FCHSD2: variants seen among roughly 807,000 people sequenced by gnomAD.
FCHSD2 encodes FCH and double SH3 domains 2.
Under a neutral mutation model 108.1 loss-of-function variants are expected in FCHSD2, and 38 were observed. The ratio of observed to expected loss-of-function variants is 0.35; its 90% CI spans 0.27 to 0.46. The LOEUF (loss-of-function observed/expected upper bound fraction) is 0.46, where lower values mean the gene tolerates loss of function less well. Among genes scored for constraint, FCHSD2 ranks in the 20% least tolerant of loss-of-function variants. FCHSD2 has a pLI of 1.00. For missense variants in FCHSD2, 751 were observed against 897.8 expected (o/e 0.84, Z 2.09); for synonymous variants, 279 against 314.7 (o/e 0.89, Z 1.20).
chr11:72,855,809 A>C (rs998673180), intron 13 of FCHSD2, among the ~76,000 whole-genome samples: 1 of 152,246 alleles, frequency 6.6e-6, no homozygotes, highest in Non-Finnish European at 1.5e-5. Context: ...GAGCATACGT[A>C]TCTGACAGGG....
intron 10 of FCHSD2, among the ~76,000 whole-genome samples, chr11:72,893,668 C>CG (rs1319941958): frequency 6.7e-6 from 1 of 150,172 alleles, no homozygotes; most frequent in African/African-American, 2.4e-5. Context: ...ATTAGCTAGG[C>CG]GTGGTGGCGC....
chr11:73,082,189 T>C (rs1299558216), intron 3 of FCHSD2, among the ~76,000 whole-genome samples: 2 of 151,760 alleles, frequency 1.3e-5, no homozygotes, highest in African/African-American at 4.8e-5. Context: ...TACAAAAAAT[T>C]AGCTGGGCGT....
At chr11:72,988,352 T>A (rs1202138296) in intron 6 of FCHSD2, among the ~76,000 whole-genome samples, 1 of 152,186 alleles carries the variant, frequency 6.6e-6, no homozygotes, top group East Asian at 1.9e-4. Flanking sequence ...CACCTTCTAT[T>A]ACCAGTTGCC....
intron 12 of FCHSD2, among the ~76,000 whole-genome samples, chr11:72,876,660 C>T (rs1376319109): frequency 6.6e-6 from 1 of 152,072 alleles, no homozygotes; most frequent in Non-Finnish European, 1.5e-5. Flanking sequence ...CAGTGGAGTT[C>T]GATGAATGCC....
At chr11:73,101,695 C>T (rs1017093952) in intron 2 of FCHSD2, among the ~76,000 whole-genome samples, 1 of 151,964 alleles carries the variant, frequency 6.6e-6, no homozygotes, top group African/African-American at 2.4e-5. Flanking sequence ...CTTTGGCCTC[C>T]CAAAGTGCTG....
intron 3 of FCHSD2, among the ~76,000 whole-genome samples, chr11:73,077,895 G>A (rs1352273198): frequency 1.3e-5 from 2 of 152,166 alleles, no homozygotes; most frequent in Non-Finnish European, 2.9e-5. Flanking sequence ...GGCTTATTGT[G>A]TATCAACTAC....
chr11:73,013,688 G>C (rs545329404), intron 4 of FCHSD2, among the ~76,000 whole-genome samples: 1 of 152,154 alleles, frequency 6.6e-6, no homozygotes, highest in South Asian at 2.1e-4. Flanking sequence ...TCTTAGCACA[G>C]TGTCTGCCAC....
chr11:72,858,605 G>C (rs1336103480), intron 13 of FCHSD2, among the ~76,000 whole-genome samples: 1 of 152,136 alleles, frequency 6.6e-6, no homozygotes, highest in Non-Finnish European at 1.5e-5. Context: ...ACAGACACTG[G>C]GGCCTTTCGG....
intron 12 of FCHSD2, among the ~76,000 whole-genome samples, chr11:72,876,414 G>GA (rs1854971094): frequency 6.6e-6 from 1 of 152,198 alleles, no homozygotes; most frequent in East Asian, 1.9e-4. Flanking sequence ...TAAAGTTTGG[G>GA]ATGGTTTTCA....
intron 2 of FCHSD2, among the ~76,000 whole-genome samples, chr11:73,102,222 T>C (rs1860241939): frequency 6.6e-6 from 1 of 152,194 alleles, no homozygotes; most frequent in Non-Finnish European, 1.5e-5. Flanking sequence ...AATTAACAAT[T>C]CCAAGTGCTG....
At chr11:73,057,805 G>C (rs922918025) in intron 3 of FCHSD2, among the ~76,000 whole-genome samples, 1 of 151,918 alleles carries the variant, frequency 6.6e-6, no homozygotes, top group Non-Finnish European at 1.5e-5. Flanking sequence ...TACAGGGAAT[G>C]AGTTCCCCTC....
At chr11:72,851,055 T>C (rs7944808) in intron 13 of FCHSD2, among the ~76,000 whole-genome samples, 24,087 of 142,826 alleles carry the variant, frequency 0.17, 2,349 homozygotes, top group Non-Finnish European at 0.23. Flanking sequence ...CCAAGAAAGA[T>C]TGCACCACTG....
At chr11:72,999,676 A>T (rs780154147) in intron 5 of FCHSD2, among the ~76,000 whole-genome samples, 2 of 152,188 alleles carry the variant, frequency 1.3e-5, no homozygotes, top group Non-Finnish European at 2.9e-5. Context: ...AGATTACTTC[A>T]TCAATGGAAG....
intron 2 of FCHSD2, among the ~76,000 whole-genome samples, chr11:73,109,736 T>C (rs1860437431): frequency 6.6e-6 from 1 of 152,186 alleles, no homozygotes; most frequent in African/African-American, 2.4e-5. Context: ...AGTAATACAC[T>C]GAGTAACAGT....
At chr11:72,988,180 C>A (rs1261415725) in intron 6 of FCHSD2, among the ~76,000 whole-genome samples, 1 of 152,148 alleles carries the variant, frequency 6.6e-6, no homozygotes, top group Non-Finnish European at 1.5e-5. Flanking sequence ...GGAGTTCAGA[C>A]TCCTAGATTT....
intron 13 of FCHSD2, among the ~76,000 whole-genome samples, chr11:72,859,989 G>A (rs1157403793): frequency 6.6e-6 from 1 of 152,192 alleles, no homozygotes; most frequent in Non-Finnish European, 1.5e-5. Flanking sequence ...GACCCTTGGG[G>A]TACCATGAGG....
intron 8 of FCHSD2, among the ~76,000 whole-genome samples, chr11:72,970,298 A>G (rs1462044944): frequency 1.3e-5 from 2 of 152,226 alleles, no homozygotes; most frequent in Non-Finnish European, 2.9e-5. Context: ...GAACACTACC[A>G]AAACCTAACA....
At chr11:73,038,239 G>A (rs1292160500) in intron 3 of FCHSD2, among the ~76,000 whole-genome samples, 2 of 151,910 alleles carry the variant, frequency 1.3e-5, no homozygotes, top group African/African-American at 4.8e-5. Flanking sequence ...CTACTCAGGA[G>A]GCTGAAATGG....
At chr11:72,879,729 A>T (rs775278097) in intron 12 of FCHSD2, among the ~76,000 whole-genome samples, 4 of 152,252 alleles carry the variant, frequency 2.6e-5, no homozygotes, top group African/African-American at 4.8e-5. Flanking sequence ...GATAAAAAAT[A>T]AGGCCAGATA....
Sources: gnomAD v4.1 joint callset for allele counts (sites outside exome capture counted in the v4.1 genomes callset) on GRCh38, gnomAD v4.1.1 for gene constraint, MANE v1.5 for transcripts, NCBI Gene and HGNC (gene_info 2026-07-23, HGNC 2026-07-21) for gene names.